Variants in CTNNA2 observed in about 807,000 individuals in gnomAD.
CTNNA2 encodes catenin alpha-2.
A neutral mutation model predicts 101.0 loss-of-function variants in CTNNA2; 42 were observed. The ratio of observed to expected loss-of-function variants is 0.42; its 90% CI spans 0.32 to 0.54. The LOEUF is 0.54. CTNNA2 is among the 20% of genes least tolerant of loss of function. CTNNA2 has a pLI of 0.14. For missense variants in CTNNA2, 871 were observed against 1,223.1 expected, an observed-to-expected ratio of 0.71 and a Z score of 4.29; for synonymous variants, 450 against 456.4, an observed-to-expected ratio of 0.99 and a Z score of 0.18.
chr2:79,541,342 TATAC>T (rs1224398956), intron 1 of CTNNA2, among the ~76,000 whole-genome samples: 1 of 138,698 alleles, frequency 7.2e-6, no homozygotes, highest in African/African-American at 2.6e-5. Context: ...TATATATATA[TATAC>T]ACACACACAA....
intron 1 of CTNNA2, among the ~76,000 whole-genome samples, chr2:79,569,993 A>G (rs1043017807): frequency 7.2e-5 from 11 of 152,302 alleles, no homozygotes; most frequent in African/African-American, 2.6e-4. Context: ...TCCTCATAGT[A>G]CAACAGCATT....
chr2:80,141,825 G>A (rs1309188069), intron 7 of CTNNA2, among the ~76,000 whole-genome samples: 2 of 150,918 alleles, frequency 1.3e-5, no homozygotes, highest in East Asian at 3.9e-4. Flanking sequence ...ATCATGGGAT[G>A]TTTGGTTCCC....
intron 8 of CTNNA2, among the ~76,000 whole-genome samples, chr2:80,412,656 G>C (rs1679688266): frequency 6.6e-6 from 1 of 151,954 alleles, no homozygotes; most frequent in Non-Finnish European, 1.5e-5. Context: ...AGTACCTCAG[G>C]GGCATACAGC....
intron 2 of CTNNA2, among the ~76,000 whole-genome samples, chr2:79,739,296 C>T (rs1332860987): frequency 6.6e-6 from 1 of 152,106 alleles, no homozygotes; most frequent in Non-Finnish European, 1.5e-5. Flanking sequence ...ATAACATATT[C>T]TCAGTGTTTG....
At chr2:80,162,520 A>T in intron 7 of CTNNA2, 6 of 1,603,714 alleles carry the variant, frequency 3.7e-6, no homozygotes, top group Non-Finnish European at 5.1e-6. Flanking sequence ...GGCTCCAGCC[A>T]TCATGATTCC....
chr2:80,188,380 A>G (rs1039035738), intron 7 of CTNNA2, among the ~76,000 whole-genome samples: 18 of 152,118 alleles, frequency 1.2e-4, no homozygotes, highest in Admixed American at 7.9e-4. Flanking sequence ...ACCAGATGGG[A>G]GTGTCCCTGG....
At chr2:79,801,353 C>T (rs1676139771) in intron 3 of CTNNA2, among the ~76,000 whole-genome samples, 1 of 152,154 alleles carries the variant, frequency 6.6e-6, no homozygotes, top group South Asian at 2.1e-4. Context: ...ACCATCTAGA[C>T]ATTCTAAGTC....
At chr2:80,252,127 G>A (rs570238068) in intron 7 of CTNNA2, among the ~76,000 whole-genome samples, 2 of 151,924 alleles carry the variant, frequency 1.3e-5, no homozygotes, top group Admixed American at 6.6e-5. Context: ...TAGATATTAC[G>A]GTAAGTTATT....
At chr2:80,598,191 C>T (rs755063557) in intron 15 of CTNNA2, among the ~76,000 whole-genome samples, 1 of 151,954 alleles carries the variant, frequency 6.6e-6, no homozygotes, top group Non-Finnish European at 1.5e-5. Context: ...TCATTCTCAG[C>T]AAACTAACAA....
chr2:79,611,058 TAAACA>T (rs1553437084), intron 1 of CTNNA2, among the ~76,000 whole-genome samples: 1 of 152,094 alleles, frequency 6.6e-6, no homozygotes, highest in Non-Finnish European at 1.5e-5. Context: ...AAGTTTCAGA[TAAACA>T]AAACAATAGT....
chr2:79,952,210 A>G (rs1173013683), intron 7 of CTNNA2, among the ~76,000 whole-genome samples: 1 of 152,102 alleles, frequency 6.6e-6, no homozygotes, highest in Non-Finnish European at 1.5e-5. Context: ...GTCTTCACTG[A>G]TTGCTTCAGG....
chr2:80,095,754 T>G (rs1700106043), intron 7 of CTNNA2, among the ~76,000 whole-genome samples: 1 of 152,122 alleles, frequency 6.6e-6, no homozygotes, highest in African/African-American at 2.4e-5. Flanking sequence ...GTCGAGGAAT[T>G]TATCCATTTC....
chr2:80,623,403 C>T lies in CTNNA2; in HGVS notation c.2574+4175C>T, dbSNP rs145874390. Among the ~76,000 whole-genome samples the T allele has an allele frequency of 2.3e-3, 349 of 151,648 alleles. 1 individual carries two copies. Among genetic ancestry groups the T allele is most frequent in the Middle Eastern group, 6.8e-3 (2 of 294 alleles). ...CACACATAACTGAATAGGAGTTTTC[C>T]AGGTGGAAGGAGAGGGAGGAATATC... is the stretch of plus-strand genomic sequence containing the variant. On this transcript the variant is annotated intron_variant, in intron 18 of 18. Coordinates refer to ENST00000402739, the MANE Select transcript of CTNNA2 (RefSeq NM_001282597.3).
chr2:79,305,522 C>G (rs1676219789), intron 2 of CTNNA2, among the ~76,000 whole-genome samples: 1 of 148,740 alleles, frequency 6.7e-6, no homozygotes. Flanking sequence ...ATTCTACACT[C>G]TTTTTGCTTT....
chr2:79,540,428 C>T (rs1673336513), intron 1 of CTNNA2, among the ~76,000 whole-genome samples: 1 of 152,198 alleles, frequency 6.6e-6, no homozygotes, highest in South Asian at 2.1e-4. Flanking sequence ...GCAACATATG[C>T]CCTTGAAATA....
At chr2:80,256,137 C>T (rs1449578462) in intron 7 of CTNNA2, among the ~76,000 whole-genome samples, 2 of 152,112 alleles carry the variant, frequency 1.3e-5, no homozygotes, top group Admixed American at 1.3e-4. Flanking sequence ...TAATGGGCTT[C>T]CTTTGTCAAA....
Position 79,874,285 on chromosome 2 carries a change from C to G in CTNNA2, c.795C>G (p.Asp265Glu), listed in dbSNP as rs202127694. ...SNAAQATSPT[D>E]EAKGHTGIGE... Reference sequence around the variant, plus strand: ...CTGCTCAAGCTACCTCGCCCACTGACGAAGCCAAGGGCCACACGGGCATCG... The same window carrying G: ...CTGCTCAAGCTACCTCGCCCACTGAGGAAGCCAAGGGCCACACGGGCATCG... Residue 265 changes from aspartate to glutamate, a missense_variant, in exon 6 of 19, where the codon GAC becomes GAG. Asp to Glu is a conservative substitution (Grantham distance 45). Transcript: ENST00000402739. The G allele has an allele frequency of 6.2e-7, 1 of 1,614,028 alleles. No homozygotes were observed. The highest frequency in any genetic ancestry group is 1.1e-5 in the South Asian group (1 of 91,074).
chr2:79,267,658 A>G (rs980570444), intron 2 of CTNNA2, among the ~76,000 whole-genome samples: 7 of 152,168 alleles, frequency 4.6e-5, no homozygotes, highest in African/African-American at 1.7e-4. Context: ...GAAATACACT[A>G]TCACCCACCA....
chr2:80,463,672 C>T (rs1684631691), intron 9 of CTNNA2, among the ~76,000 whole-genome samples: 1 of 152,142 alleles, frequency 6.6e-6, no homozygotes, highest in South Asian at 2.1e-4. Context: ...ATTTCCAATA[C>T]ATTATTGAAT....
Sources: gnomAD v4.1 joint callset for allele counts (sites outside exome capture counted in the v4.1 genomes callset) on GRCh38, gnomAD v4.1.1 for gene constraint, MANE v1.5 for transcripts, NCBI Gene and HGNC (gene_info 2026-07-23, HGNC 2026-07-21) for gene names.